Variants in CAMSAP1 observed in about 807,000 individuals in gnomAD.
CAMSAP1 encodes calmodulin-regulated spectrin-associated protein 1.
Under a neutral mutation model 143.5 loss-of-function variants are expected in CAMSAP1, and 58 were observed. The observed-to-expected ratio is 0.40, with a 90% CI of 0.33 to 0.50. CAMSAP1 has a LOEUF of 0.50. Among genes scored for constraint, CAMSAP1 ranks in the 20% least tolerant of loss-of-function variants. CAMSAP1 has a pLI of 0.45. For missense variants in CAMSAP1, 1,969 were observed against 2,115.7 expected, an observed-to-expected ratio of 0.93 and a Z score of 1.36; for synonymous variants, 945 against 859.3, an observed-to-expected ratio of 1.10 and a Z score of -1.74.
intron 3 of CAMSAP1, among the ~76,000 whole-genome samples, chr9:135,869,453 C>T: frequency 6.6e-6 from 1 of 151,082 alleles, no homozygotes; most frequent in Non-Finnish European, 1.5e-5. Flanking sequence ...CAGTGAGCCA[C>T]GACCGCACCA....
At position 135,818,591 on chromosome 9, in the gene CAMSAP1, G is replaced by A. The variant is rs750681365; in HGVS notation, c.3985C>T (p.Arg1329Trp). ...ARRKAEEDRV[R>W]KEEEKARREL... ...CGCCGCGCCTTCTCCTCCTCCTTCC[G>A]CACCCGGTCTTCCTCAGCTTTGCGC... The change falls in exon 13 of 17, where the codon CGG (arginine) becomes TGG (tryptophan). Residue 1329 changes from arginine to tryptophan, a missense_variant. By Grantham distance (101) the Arg-to-Trp change is moderately radical (BLOSUM62 -3). Coordinates refer to ENST00000389532, the MANE Select transcript of CAMSAP1 (RefSeq NM_015447.4). The surrounding 1 kb of genome is among the most constrained non-coding windows in gnomAD (Gnocchi z 7.7). 6.2e-7 allele frequency: 1 copy of A among 1,613,182 alleles called. No homozygotes were observed. Among genetic ancestry groups the A allele is most frequent in the South Asian group, 1.1e-5 (1 of 91,066 alleles).
In CAMSAP1 at chr9:135,821,387, G is replaced by C. The variant is rs779667696; in HGVS notation, c.3274C>G (p.Arg1092Gly). 6.2e-7 allele frequency: 1 copy of C among 1,613,698 alleles called. No homozygotes were observed. Among genetic ancestry groups the C allele is most frequent in the East Asian group, 2.2e-5 (1 of 44,858 alleles). ...TGVAGHRKAP[R>G]LGQGRNSRSG... ...CGGGAATTCCGGCCTTGACCCAGCC[G>C]GGGGGCTTTGCGGTGGCCAGCCACG... The change falls in exon 11 of 17, where the codon CGG (arginine) becomes GGG (glycine). Residue 1092 changes from arginine to glycine, a missense_variant. Transcript: ENST00000389532. The surrounding 1 kb of genome is among the most constrained non-coding windows in gnomAD (Gnocchi z 4.6).
At chr9:135,891,546 G>A (rs886512581) in intron 1 of CAMSAP1, among the ~76,000 whole-genome samples, 1 of 152,156 alleles carries the variant, frequency 6.6e-6, no homozygotes, top group Non-Finnish European at 1.5e-5. Context: ...AACCCAATGG[G>A]GTTTATTGCA....
At chr9:135,816,089 A>T in intron 14 of CAMSAP1, 84 bp from the exon 15 acceptor site, 1 of 1,251,740 alleles carries the variant, frequency 8.0e-7, no homozygotes, top group Non-Finnish European at 1.1e-6. Flanking sequence ...GCCCGCAACC[A>T]GGACAGGAAG....
chr9:135,823,806 T>C (rs1326924628), intron 10 of CAMSAP1, 144 bp downstream of exon 10: 8 of 663,432 alleles, frequency 1.2e-5, no homozygotes, highest in Non-Finnish European at 1.8e-5. Context: ...AACTTCCTAG[T>C]GTTGTTATAA....
chr9:135,870,471 T>A (rs112299573), intron 3 of CAMSAP1, among the ~76,000 whole-genome samples: 149 of 152,106 alleles, frequency 9.8e-4, no homozygotes, highest in Non-Finnish European at 1.9e-3. Context: ...GAAAACAGAT[T>A]AATACAACAC....
chr9:135,870,317 C>T (rs985500019), intron 3 of CAMSAP1, among the ~76,000 whole-genome samples: 2 of 152,174 alleles, frequency 1.3e-5, no homozygotes, highest in Admixed American at 6.5e-5. Context: ...TGCTCTCTCA[C>T]GCCTGCCTCC....
rs541698662 is a variant in CAMSAP1 at position 135,809,452 on chromosome 9, A to C, written c.*1857T>G. 5.2e-5 allele frequency: 8 copies of C among 152,388 alleles called. No homozygotes were observed. In the South Asian group the frequency reaches 1.2e-3, roughly 24 times the overall value. The allele number at this position is 152,388 out of a possible 1,614,324, so 9.4% of individuals were successfully genotyped here. On this transcript the variant is annotated 3_prime_UTR_variant, in exon 17 of 17. Transcript: ENST00000389532. ...CAGATATTTTCTAGCTCTTCATTAA[A>C]AAGAATCCAATTCCACTGACTTCGA...
chr9:135,887,540 G>A (rs1201117070), intron 1 of CAMSAP1, among the ~76,000 whole-genome samples: 1 of 152,226 alleles, frequency 6.6e-6, no homozygotes, highest in African/African-American at 2.4e-5. Context: ...GGCTGAAGAG[G>A]AGGAGGCTGC....
chr9:135,813,934 C>G (rs564819551), intron 16 of CAMSAP1, among the ~76,000 whole-genome samples: 2 of 152,352 alleles, frequency 1.3e-5, no homozygotes, highest in South Asian at 4.1e-4. Context: ...GGGAGCTGCA[C>G]AAGGCCTAGC....
At chr9:135,897,744 C>T (rs554960521) in intron 1 of CAMSAP1, among the ~76,000 whole-genome samples, 1 of 152,248 alleles carries the variant, frequency 6.6e-6, no homozygotes, top group South Asian at 2.1e-4. Context: ...GGATAAGTCA[C>T]GTACCAGGCA....
At chr9:135,814,473 G>C (rs538693593) in intron 16 of CAMSAP1, among the ~76,000 whole-genome samples, 1 of 152,242 alleles carries the variant, frequency 6.6e-6, no homozygotes, top group East Asian at 1.9e-4. Flanking sequence ...CTCTCCCCTG[G>C]AATCCCAGTC....
At chr9:135,829,740 C>A (rs1835792198) in intron 7 of CAMSAP1, among the ~76,000 whole-genome samples, 1 of 152,046 alleles carries the variant, frequency 6.6e-6, no homozygotes, top group African/African-American at 2.4e-5. Flanking sequence ...GTAGTCCCAG[C>A]TACTCAGGAG....
intron 7 of CAMSAP1, among the ~76,000 whole-genome samples, chr9:135,834,804 G>A (rs1203436465): frequency 1.3e-5 from 2 of 152,202 alleles, no homozygotes; most frequent in Non-Finnish European, 2.9e-5. Flanking sequence ...AGAGATGGAT[G>A]TTAACTAGCT....
rs773488785 is a variant in CAMSAP1 at position 135,821,412 on chromosome 9, G to A, written c.3249C>T (p.Gly1083=). Residue 1083 remains glycine (G), a synonymous_variant, in exon 11 of 17, where the codon GGC becomes GGT. Coordinates refer to ENST00000389532, the MANE Select transcript of CAMSAP1 (RefSeq NM_015447.4). The surrounding 1 kb of genome is among the most constrained non-coding windows in gnomAD (Gnocchi z 4.6). ...GGGGGGCTTTGCGGTGGCCAGCCAC[G>A]CCCGTGGGAGAGAGTGGCTCCACGA... is the stretch of plus-strand genomic sequence containing the variant. ...VHFVEPLSPT[G]VAGHRKAPRL... is the part of the protein sequence containing the mutation. 34 of 1,614,012 alleles carry A rather than the reference G, an allele frequency of 2.1e-5. No homozygotes were observed. The highest frequency in any genetic ancestry group is 6.7e-5 in the East Asian group (3 of 44,866).
At chr9:135,903,689 C>T (rs1443726660) in intron 1 of CAMSAP1, among the ~76,000 whole-genome samples, 1 of 152,236 alleles carries the variant, frequency 6.6e-6, no homozygotes. Flanking sequence ...AATGAACAAG[C>T]CTTTAACAAG....
Position 135,850,478 on chromosome 9 carries a change from A to T in CAMSAP1, c.809-17T>A. ...AGCATATATCTAATAGACAAAAAGA[A>T]AATCACAATTTATTGTAAAGGTATT... On this transcript the variant is annotated splice_polypyrimidine_tract_variant and intron_variant, in intron 5 of 16. Transcript: ENST00000389532. 1 of 1,541,348 alleles carries T rather than the reference A, an allele frequency of 6.5e-7. No homozygotes were observed. Among genetic ancestry groups the T allele is most frequent in the African/African-American group, 1.4e-5 (1 of 72,058 alleles).
intron 1 of CAMSAP1, among the ~76,000 whole-genome samples, chr9:135,893,617 G>A (rs771591487): frequency 6.6e-6 from 1 of 152,110 alleles, no homozygotes; most frequent in Admixed American, 6.5e-5. Context: ...GGAAGGAGAA[G>A]AAAAAATGGG....
chr9:135,884,528 A>G (rs1838062674), intron 1 of CAMSAP1, among the ~76,000 whole-genome samples: 1 of 152,196 alleles, frequency 6.6e-6, no homozygotes, highest in African/African-American at 2.4e-5. Context: ...TGTTTTAAGC[A>G]TGGTTGTACA....
Sources: gnomAD v4.1 joint callset for allele counts (sites outside exome capture counted in the v4.1 genomes callset) on GRCh38, gnomAD v4.1.1 for gene constraint, Gnocchi (gnomAD v3.1) non-coding constraint, MANE v1.5 for transcripts, NCBI Gene and HGNC (gene_info 2026-07-23, HGNC 2026-07-21) for gene names.